Variants in ANXA8L1 observed in about 807,000 individuals in gnomAD.
ANXA8L1 encodes the protein annexin A8-like protein 1.
A neutral mutation model predicts 22.5 loss-of-function variants in ANXA8L1; 10 were observed. That is an observed-to-expected ratio of 0.44 (90% CI 0.27 to 0.75). The LOEUF (loss-of-function observed/expected upper bound fraction) is 0.75, where lower values mean the gene tolerates loss of function less well. Ranked by LOEUF, ANXA8L1 falls within the 30% of genes least tolerant of loss-of-function variation. The pLI is 0.15. For synonymous variants in ANXA8L1, 36 were observed against 86.0 expected, an observed-to-expected ratio of 0.42 and a Z score of 3.22; for missense variants, 88 against 219.6, an observed-to-expected ratio of 0.40 and a Z score of 3.79.
rs1320588061 is a variant in ANXA8L1 at position 46,384,756 on chromosome 10, C to G, written c.493-18C>G. ...GGTCAGCTGGCCTGCCTTACAGAGC[C>G]ACCTCCTCTGTTCCTAGGGCAGCAG... is the stretch of plus-strand genomic sequence containing the variant. On this transcript the variant is annotated intron_variant, in intron 6 of 11. Transcript: ENST00000619162. The G allele has an allele frequency of 6.2e-7, 1 of 1,613,068 alleles. No homozygotes were observed. The highest frequency in any genetic ancestry group is 8.5e-7 in the Non-Finnish European group (1 of 1,179,844).
chr10:46,383,535 C>T lies in ANXA8L1; in HGVS notation c.401C>T (p.Ala134Val), dbSNP rs201596209. 174,758 of 775,268 alleles carry T rather than the reference C, an allele frequency of 0.23. 10,465 individuals are homozygous for T. The highest frequency in any genetic ancestry group is 0.31 in the South Asian group (17,617 of 57,358). 48.0% of individuals were successfully genotyped at this position (775,268 alleles called of 1,614,324 possible). Residue 134 changes from alanine (A) to valine (V), a missense_variant, in exon 5 of 12, where the codon GCG becomes GTG. Physicochemically the swap from Ala to Val is moderately conservative, Grantham distance 64 (BLOSUM62 0). Transcript: ENST00000619162. ...TKNQLREIMK[A>V]YEEDYGSSLE... ...AACCAGCTGCGGGAGATAATGAAGG[C>T]GTATGAGGAAGGTAAGGGGTGGCAC...
At chr10:46,385,328 C>T (rs2133014248) in intron 7 of ANXA8L1, 52 bp from the exon 8 acceptor site, 1 of 668,936 alleles carries the variant, frequency 1.5e-6, no homozygotes, top group East Asian at 2.5e-5. Flanking sequence ...GGGCTCAGTC[C>T]CTCACCTCCC....
chr10:46,385,322 T>G, intron 7 of ANXA8L1, 58 bp from the exon 8 acceptor site: 2 of 631,752 alleles, frequency 3.2e-6, no homozygotes, highest in Non-Finnish European at 5.0e-6. Context: ...ACTCTGGGGC[T>G]CAGTCCCTCA....
At position 46,375,840 on chromosome 10, in the gene ANXA8L1, G is replaced by A. The variant is rs1472276048; in HGVS notation, c.-12G>A. On this transcript the variant is annotated 5_prime_UTR_variant, in exon 1 of 12. Transcript: ENST00000619162. ...TCATCTCCGTGAGAAAGGTGCCCCC[G>A]AAGTGAAAGAGATGGCCTGGTGGAA... The A allele has an allele frequency of 2.0e-4, 324 of 1,605,768 alleles. 2 individuals carry two copies. In the African/African-American group the frequency reaches 2.5e-3, roughly 12 times the overall value.
Position 46,390,970 on chromosome 10 carries a change from C to G in ANXA8L1, c.*40C>G. On this transcript the variant is annotated 3_prime_UTR_variant, in exon 12 of 12. Coordinates refer to ENST00000619162, the MANE Select transcript of ANXA8L1 (RefSeq NM_001098845.3). ...AGAGCAAAGACCATGAAGCCAGAGT[C>G]TCCAGGACTCCTCACTCAACCTCGG... 7.9e-7 allele frequency: 1 copy of G among 1,272,436 alleles called. No individual in the cohort carries two copies. The highest frequency in any genetic ancestry group is 2.3e-5 in the East Asian group (1 of 43,648). 78.8% of individuals were successfully genotyped at this position (1,272,436 alleles called of 1,614,324 possible).
chr10:46,375,979 C>T, intron 1 of ANXA8L1, 107 bp downstream of exon 1: 1 of 1,203,922 alleles, frequency 8.3e-7, no homozygotes, highest in Middle Eastern at 2.8e-4. Flanking sequence ...GTGGCTCAGT[C>T]TACATTTGGC....
intron 11 of ANXA8L1, among the ~76,000 whole-genome samples, chr10:46,388,835 A>T (rs1473321015): frequency 6.6e-6 from 1 of 151,652 alleles, no homozygotes; most frequent in Non-Finnish European, 1.5e-5. Flanking sequence ...ACCTCTGAAT[A>T]GTCAATGAGA....
At chr10:46,390,039 C>T (rs1363180338) in intron 11 of ANXA8L1, among the ~76,000 whole-genome samples, 4 of 150,470 alleles carry the variant, frequency 2.7e-5, no homozygotes, top group African/African-American at 4.9e-5. Context: ...CCCAGTCTAC[C>T]CCTTACTCAC....
chr10:46,390,628 A>C (rs1405539865), intron 11 of ANXA8L1, among the ~76,000 whole-genome samples: 2 of 142,798 alleles, frequency 1.4e-5, no homozygotes, highest in Admixed American at 1.4e-4. Flanking sequence ...ACTGTCTCTG[A>C]TTCATTTTCC....
At chr10:46,376,755 C>T (rs1839934167) in intron 1 of ANXA8L1, among the ~76,000 whole-genome samples, 2 of 92,722 alleles carry the variant, frequency 2.2e-5, no homozygotes, top group South Asian at 5.8e-4. Context: ...GCTCTGCACA[C>T]CCTTTTCCTT....
chr10:46,376,166 T>C (rs1291476668), intron 1 of ANXA8L1, among the ~76,000 whole-genome samples: 11,194 of 112,786 alleles, frequency 0.099, no homozygotes, highest in East Asian at 0.25. Flanking sequence ...CTTGCAGGGG[T>C]GGGGCCACTC....
At chr10:46,383,185 C>A (rs1358218233) in intron 4 of ANXA8L1, among the ~76,000 whole-genome samples, 1 of 131,460 alleles carries the variant, frequency 7.6e-6, no homozygotes, top group East Asian at 2.2e-4. Context: ...GTTTATGGAT[C>A]GGGATGCTTA....
At position 46,384,751 on chromosome 10, in the gene ANXA8L1, A is replaced by G. The variant is rs1222824778; in HGVS notation, c.493-23A>G. 5.6e-6 allele frequency: 9 copies of G among 1,612,932 alleles called. No individual in the cohort carries two copies. In the African/African-American group the frequency reaches 8.1e-5, roughly 14 times the overall value. ...GCTCTGGTCAGCTGGCCTGCCTTAC[A>G]GAGCCACCTCCTCTGTTCCTAGGGC... On this transcript the variant is annotated intron_variant, in intron 6 of 11. Transcript: ENST00000619162.
chr10:46,384,684 A>G, intron 6 of ANXA8L1, 90 bp from the exon 7 acceptor site: 1 of 1,609,572 alleles, frequency 6.2e-7, no homozygotes, highest in South Asian at 1.1e-5. Context: ...CAGCAGAGCC[A>G]TGCCTACCCT....
chr10:46,377,718 C>T (rs1394071909), intron 1 of ANXA8L1, among the ~76,000 whole-genome samples: 1 of 108,152 alleles, frequency 9.2e-6, no homozygotes, highest in Non-Finnish European at 1.9e-5. Flanking sequence ...CAGGGCCCAT[C>T]TGCACCTCTC....
intron 3 of ANXA8L1, 138 bp downstream of exon 3, chr10:46,381,378 G>A: frequency 2.9e-6 from 3 of 1,017,464 alleles, no homozygotes; most frequent in Non-Finnish European, 4.1e-6. Context: ...CTGTTTGCAT[G>A]AAAACAATTG....
intron 4 of ANXA8L1, among the ~76,000 whole-genome samples, chr10:46,383,204 G>A (rs1373455851): frequency 3.5e-5 from 5 of 141,170 alleles, no homozygotes; most frequent in African/African-American, 1.4e-4. Flanking sequence ...TAGGCTCCAG[G>A]ACATGGAGCA....
At chr10:46,376,662 G>C (rs1460096616) in intron 1 of ANXA8L1, among the ~76,000 whole-genome samples, 1 of 134,684 alleles carries the variant, frequency 7.4e-6, no homozygotes, top group African/African-American at 2.8e-5. Context: ...GGAGCTTTCT[G>C]TCTATGGTTG....
At chr10:46,377,806 G>T (rs1443338892) in intron 1 of ANXA8L1, among the ~76,000 whole-genome samples, 2 of 122,572 alleles carry the variant, frequency 1.6e-5, no homozygotes, top group Non-Finnish European at 3.5e-5. Flanking sequence ...CCACGTAGCA[G>T]GGGAAGGCCA....
Sources: gnomAD v4.1 joint callset for allele counts (sites outside exome capture counted in the v4.1 genomes callset) on GRCh38, gnomAD v4.1.1 for gene constraint, MANE v1.5 for transcripts, NCBI Gene and HGNC (gene_info 2026-07-23, HGNC 2026-07-21) for gene names.